Variants in MOK observed in about 807,000 individuals in gnomAD.
MOK encodes MOK protein kinase, also known as MAPK/MAK/MRK overlapping kinase.
A neutral mutation model predicts 54.2 loss-of-function variants in MOK; 59 were observed. The observed-to-expected ratio is 1.09, with a 90% CI of 0.88 to 1.35. The LOEUF (loss-of-function observed/expected upper bound fraction) is 1.35, where lower values mean the gene tolerates loss of function less well. Ranked by LOEUF, MOK falls within the 40% of genes most tolerant of loss-of-function variation. The probability of loss-of-function intolerance (pLI) is 0.00; values close to 1 mark genes in which losing one functional copy is unlikely to be tolerated. For synonymous variants in MOK, 210 were observed against 202.7 expected (o/e 1.04, Z -0.31); for missense variants, 517 against 526.2 (o/e 0.98, Z 0.17).
At chr14:102,242,884 T>C (rs1412870701) in intron 7 of MOK, among the ~76,000 whole-genome samples, 5 of 152,134 alleles carry the variant, frequency 3.3e-5, no homozygotes, top group African/African-American at 9.7e-5. Context: ...CATGCTTTCT[T>C]TACTATTCCT....
chr14:102,278,693 G>A (rs896725864), intron 2 of MOK: 14 of 455,874 alleles, frequency 3.1e-5, no homozygotes, highest in Non-Finnish European at 6.2e-5. Flanking sequence ...CAATTCCCTA[G>A]TCTGAAAGAT....
At chr14:102,244,722 G>C (rs2065961656) in intron 7 of MOK, among the ~76,000 whole-genome samples, 1 of 152,132 alleles carries the variant, frequency 6.6e-6, no homozygotes, top group Admixed American at 6.5e-5. Flanking sequence ...AGGCCACCGT[G>C]GTCATTTCTT....
rs116382144 is a variant in MOK at position 102,251,683 on chromosome 14, G to A, written c.411+73C>T. ...GGACTGAAAGTTCCTCTGGTAGGAG[G>A]AGAAAACCTTTCGGGAAAGATTTTC... On this transcript the variant is annotated intron_variant, in intron 6 of 11. Transcript: ENST00000361847. 1,305 of 1,237,886 alleles carry A rather than the reference G, an allele frequency of 1.1e-3. 11 individuals are homozygous for A. The African/African-American group carries it at 0.016, about 15-fold the overall frequency. 76.7% of individuals were successfully genotyped at this position (1,237,886 alleles called of 1,614,324 possible). A position where few individuals can be genotyped will look rare whatever the true frequency, so the allele number is the denominator to read the frequency against.
rs977263867 is a variant in MOK at position 102,230,947 on chromosome 14, T to C, written c.981+760A>G. Reference sequence around the variant, plus strand: ...CCAATGGGACACAGGAGCCTGGCTTTCTGGAGAGCAGCCTGACTGCAGCTC... The same window carrying C: ...CCAATGGGACACAGGAGCCTGGCTTCCTGGAGAGCAGCCTGACTGCAGCTC... On this transcript the variant is annotated intron_variant, in intron 10 of 11. Coordinates refer to ENST00000361847, the MANE Select transcript of MOK (RefSeq NM_014226.3). This position sits in a 1 kb window ranked among gnomAD's most constrained non-coding sequence, Gnocchi z 4.1. The C allele has an allele frequency of 6.6e-6, 1 of 152,236 alleles. No individual in the cohort carries two copies. The highest frequency in any genetic ancestry group is 1.5e-5 in the Non-Finnish European group (1 of 68,082). 9.4% of individuals were successfully genotyped at this position (152,236 alleles called of 1,614,324 possible).
intron 1 of MOK, among the ~76,000 whole-genome samples, chr14:102,290,521 T>C (rs1264493999): frequency 6.6e-6 from 1 of 151,994 alleles, no homozygotes; most frequent in Non-Finnish European, 1.5e-5. Context: ...ACATTAACCA[T>C]TCAATTTGTG....
chr14:102,282,188 C>A (rs1007503282), intron 2 of MOK, among the ~76,000 whole-genome samples: 8 of 152,056 alleles, frequency 5.3e-5, no homozygotes, highest in Non-Finnish European at 8.8e-5. Flanking sequence ...AGAAGGATCA[C>A]TTGAGCCCGG....
At chr14:102,284,329 G>A (rs183189604) in intron 1 of MOK, among the ~76,000 whole-genome samples, 14 of 152,000 alleles carry the variant, frequency 9.2e-5, no homozygotes, top group African/African-American at 2.9e-4. Context: ...ATGAAATATC[G>A]CCCACTTAAA....
chr14:102,281,857 G>A (rs893416435), intron 2 of MOK, among the ~76,000 whole-genome samples: 1 of 152,202 alleles, frequency 6.6e-6, no homozygotes, highest in African/African-American at 2.4e-5. Context: ...AGAGAATGCA[G>A]AATGCATAGA....
chr14:102,228,435 G>A (rs918537170), downstream of MOK, among the ~76,000 whole-genome samples: 1 of 152,166 alleles, frequency 6.6e-6, no homozygotes, highest in African/African-American at 2.4e-5. Context: ...GGTGGCTCAT[G>A]CCTGTAATCC....
At chr14:102,243,684 C>T (rs555297041) in intron 7 of MOK, among the ~76,000 whole-genome samples, 6 of 152,286 alleles carry the variant, frequency 3.9e-5, no homozygotes, top group African/African-American at 9.6e-5. Flanking sequence ...GACTTCAATC[C>T]GGCCTCCCAC....
In MOK at chr14:102,262,715, T is replaced by C. The variant is rs79800097; in HGVS notation, c.283+831A>G. ...CATAGCACATCATCTTCAGTTTGGC[T>C]CAAATTGTAAGATAATACACCATCT... On this transcript the variant is annotated intron_variant, in intron 4 of 11. Transcript: ENST00000361847. Among the ~76,000 whole-genome samples the C allele has an allele frequency of 4.6e-3, 704 of 152,368 alleles. 6 individuals carry two copies. Among genetic ancestry groups the C allele is most frequent in the African/African-American group, 0.016 (653 of 41,594 alleles).
intron 7 of MOK, among the ~76,000 whole-genome samples, chr14:102,243,843 G>A (rs781528102): frequency 4.0e-5 from 6 of 151,890 alleles, no homozygotes; most frequent in Admixed American, 2.0e-4. Context: ...CCTAATCACC[G>A]CTTACCAGCA....
At chr14:102,275,040 A>G (rs1050501672) in intron 2 of MOK, among the ~76,000 whole-genome samples, 3 of 152,182 alleles carry the variant, frequency 2.0e-5, no homozygotes, top group Admixed American at 1.3e-4. Flanking sequence ...GTTGAGCTAC[A>G]TTAATCAAAA....
chr14:102,254,759 C>T (rs1020045761), intron 4 of MOK, among the ~76,000 whole-genome samples: 12 of 152,192 alleles, frequency 7.9e-5, no homozygotes, highest in African/African-American at 2.2e-4. Flanking sequence ...CTTGGGTCCT[C>T]GCTTCGAGAA....
the MOK span, among the ~76,000 whole-genome samples, chr14:102,216,417 G>A: frequency 1.3e-5 from 2 of 152,070 alleles, no homozygotes; most frequent in Non-Finnish European, 2.9e-5. Context: ...TAGGCCTCTT[G>A]AGTAACTGGG....
At chr14:102,224,100 G>T (rs868725387), downstream of MOK, among the ~76,000 whole-genome samples, 1 of 145,360 alleles carries the variant, frequency 6.9e-6, no homozygotes. Flanking sequence ...GGAGTGCAGT[G>T]GCGCAATCTC....
downstream of MOK, among the ~76,000 whole-genome samples, chr14:102,224,103 G>A (rs919095994): frequency 4.1e-5 from 6 of 148,038 alleles, no homozygotes; most frequent in East Asian, 2.0e-4. Context: ...GTGCAGTGGC[G>A]CAATCTCGGC....
intron 2 of MOK, among the ~76,000 whole-genome samples, chr14:102,273,983 A>G (rs1269516654): frequency 6.8e-6 from 1 of 146,918 alleles, no homozygotes; most frequent in Admixed American, 6.7e-5. Context: ...TTTGAGACAG[A>G]GTCTCACTCT....
At position 102,245,595 on chromosome 14, in the gene MOK, C is replaced by T. The variant is rs761464457; in HGVS notation, c.590+5217G>A. ...CTGCCCCTGCCCACCGGAGAACAAC[C>T]CCCTTTGACTGTAATTTTCCACTAC... On this transcript the variant is annotated intron_variant, in intron 7 of 11. Coordinates refer to ENST00000361847, the MANE Select transcript of MOK (RefSeq NM_014226.3). This position sits in a 1 kb window ranked among gnomAD's most constrained non-coding sequence, Gnocchi z 4.3. Among the ~76,000 whole-genome samples, 10 of 152,218 alleles carry T rather than the reference C, an allele frequency of 6.6e-5. No homozygotes were observed. Among genetic ancestry groups the T allele is most frequent in the Non-Finnish European group, 1.2e-4 (8 of 68,010 alleles).
Sources: gnomAD v4.1 joint callset for allele counts (sites outside exome capture counted in the v4.1 genomes callset) on GRCh38, gnomAD v4.1.1 for gene constraint, Gnocchi (gnomAD v3.1) non-coding constraint, MANE v1.5 for transcripts, NCBI Gene and HGNC (gene_info 2026-07-23, HGNC 2026-07-21) for gene names.